Variants in FBXO34 observed in about 807,000 individuals in gnomAD.
The protein encoded by FBXO34 is F-box protein 34.
A neutral mutation model predicts 24.5 loss-of-function variants in FBXO34; 12 were observed. That is an observed-to-expected ratio of 0.49 (90% confidence interval 0.31 to 0.79). The LOEUF is 0.79. Among genes scored for constraint, FBXO34 ranks in the 30% least tolerant of loss-of-function variants. The pLI is 0.04. For synonymous variants in FBXO34, 320 were observed against 311.9 expected (o/e 1.03, Z -0.27); for missense variants, 823 against 857.7 (o/e 0.96, Z 0.51).
the FBXO34 span, chr14:55,424,218 C>A: frequency 6.2e-7 from 1 of 1,613,260 alleles, no homozygotes; most frequent in Non-Finnish European, 8.5e-7. Context: ...TTTTACCATT[C>A]TATAAATAAG....
At chr14:55,346,538 T>A (rs1159489546) in intron 1 of FBXO34, among the ~76,000 whole-genome samples, 2 of 151,898 alleles carry the variant, frequency 1.3e-5, no homozygotes, top group African/African-American at 4.8e-5. Flanking sequence ...TTGGGGAGAG[T>A]GTGTCACTGG....
chr14:55,313,618 G>A (rs905613220), intron 1 of FBXO34, among the ~76,000 whole-genome samples: 4 of 152,170 alleles, frequency 2.6e-5, no homozygotes, highest in African/African-American at 7.2e-5. Flanking sequence ...ATGGCTGGGC[G>A]AACACAGGAA....
At chr14:55,376,954 T>G in the FBXO34 span, among the ~76,000 whole-genome samples, 1 of 152,196 alleles carries the variant, frequency 6.6e-6, no homozygotes, top group Non-Finnish European at 1.5e-5. Flanking sequence ...TATTTTTTGT[T>G]TAACTGTTTT....
At chr14:55,325,544 C>T (rs552362893) in intron 1 of FBXO34, among the ~76,000 whole-genome samples, 16 of 152,110 alleles carry the variant, frequency 1.1e-4, no homozygotes, top group East Asian at 9.7e-4. Flanking sequence ...GGCGCGATCT[C>T]GGCTCATCGC....
chr14:55,336,866 ACG>A (rs201040816), intron 1 of FBXO34, among the ~76,000 whole-genome samples: 55 of 146,492 alleles, frequency 3.8e-4, no homozygotes, highest in African/African-American at 1.3e-3. Flanking sequence ...ATATACATGC[ACG>A]CACACACACA....
chr14:55,312,012 C>T (rs1268337582), intron 1 of FBXO34, among the ~76,000 whole-genome samples: 1 of 152,052 alleles, frequency 6.6e-6, no homozygotes, highest in African/African-American at 2.4e-5. Context: ...CCAGCCTGAC[C>T]AACATGGTGA....
chr14:55,369,281 A>G (rs577054702), downstream of FBXO34: 4 of 186,004 alleles, frequency 2.2e-5, no homozygotes, highest in East Asian at 1.3e-4. Context: ...ACACTGACCC[A>G]TATCTGTGGG....
intron 1 of FBXO34, among the ~76,000 whole-genome samples, chr14:55,280,912 T>C (rs1469420201): frequency 6.6e-6 from 1 of 152,102 alleles, no homozygotes; most frequent in Non-Finnish European, 1.5e-5. Flanking sequence ...GGGATGACTA[T>C]AATATGAACC....
chr14:55,428,837 C>T, the FBXO34 span: 2 of 1,614,192 alleles, frequency 1.2e-6, no homozygotes, highest in African/African-American at 1.3e-5. Flanking sequence ...TAGCACCAAA[C>T]CTTCCAGCCT....
At chr14:55,397,803 T>C in the FBXO34 span, among the ~76,000 whole-genome samples, 18 of 152,322 alleles carry the variant, frequency 1.2e-4, no homozygotes, top group African/African-American at 4.3e-4. Context: ...TCAATCCTGC[T>C]CTCTCCTATA....
the FBXO34 span, among the ~76,000 whole-genome samples, chr14:55,431,547 G>T: frequency 1.3e-5 from 2 of 152,110 alleles, no homozygotes; most frequent in Non-Finnish European, 2.9e-5. Context: ...TTCTATTGCT[G>T]AAATGAACAT....
At chr14:55,343,969 T>A (rs139704019) in intron 1 of FBXO34, among the ~76,000 whole-genome samples, 1 of 152,224 alleles carries the variant, frequency 6.6e-6, no homozygotes, top group African/African-American at 2.4e-5. Context: ...TTTACTTTTT[T>A]AAGCTGAACT....
At chr14:55,411,909 G>C in the FBXO34 span, 1 of 1,283,492 alleles carries the variant, frequency 7.8e-7, no homozygotes, top group Non-Finnish European at 1.1e-6. Context: ...GGGGAAGGGG[G>C]GCTGGGATGC....
chr14:55,294,000 T>C (rs1229756056), intron 1 of FBXO34, among the ~76,000 whole-genome samples: 2 of 152,178 alleles, frequency 1.3e-5, no homozygotes, highest in African/African-American at 4.8e-5. Flanking sequence ...CTGTTCCCTG[T>C]GTCTAGAACG....
At chr14:55,388,548 C>T in the FBXO34 span, among the ~76,000 whole-genome samples, 3 of 152,230 alleles carry the variant, frequency 2.0e-5, no homozygotes, top group African/African-American at 7.2e-5. Flanking sequence ...TATAACCTAA[C>T]TTCCCTATCT....
At chr14:55,424,221 T>C in the FBXO34 span, 1 of 1,613,350 alleles carries the variant, frequency 6.2e-7, no homozygotes, top group South Asian at 1.1e-5. Context: ...TACCATTCTA[T>C]AAATAAGACC....
chr14:55,350,220 A>AT (rs1429901444), intron 1 of FBXO34, among the ~76,000 whole-genome samples, 161 bp from the exon 2 acceptor site: 1 of 151,776 alleles, frequency 6.6e-6, no homozygotes, highest in African/African-American at 2.4e-5. Context: ...TATTCTTGAT[A>AT]TGTGCAGTAA....
intron 1 of FBXO34, among the ~76,000 whole-genome samples, chr14:55,343,382 C>T (rs1884055611): frequency 6.6e-6 from 1 of 151,990 alleles, no homozygotes; most frequent in South Asian, 2.1e-4. Flanking sequence ...TCCTGAGTAG[C>T]TGGGATTACA....
At chr14:55,427,859 G>C in the FBXO34 span, among the ~76,000 whole-genome samples, 1 of 151,570 alleles carries the variant, frequency 6.6e-6, no homozygotes, top group Admixed American at 6.6e-5. Flanking sequence ...ACACAGATAG[G>C]GGACAAACTA....
Sources: gnomAD v4.1 joint callset for allele counts (sites outside exome capture counted in the v4.1 genomes callset) on GRCh38, gnomAD v4.1.1 for gene constraint, MANE v1.5 for transcripts, NCBI Gene and HGNC (gene_info 2026-07-23, HGNC 2026-07-21) for gene names.